The following COPZ2 variants were observed in gnomAD, a reference collection of about 807,000 sequenced individuals.
COPZ2 encodes the protein coatomer subunit zeta-2.
In COPZ2, 30 loss-of-function variants were observed where a neutral mutation model predicts 33.2. The ratio of observed to expected loss-of-function variants is 0.90; its 90% CI spans 0.68 to 1.23. The LOEUF is 1.23. Ranked by LOEUF, COPZ2 falls within the 50% of genes most tolerant of loss-of-function variation. The pLI, the probability that COPZ2 is intolerant of heterozygous loss-of-function variation, is 0.00. For missense variants in COPZ2, 263 were observed against 262.4 expected, an observed-to-expected ratio of 1.00 and a Z score of -0.02; for synonymous variants, 89 against 102.6, an observed-to-expected ratio of 0.87 and a Z score of 0.80.
chr17:48,047,534 T>TA, the COPZ2 span: 1 of 152,148 alleles, frequency 6.6e-6, no homozygotes, highest in African/African-American at 2.4e-5. Flanking sequence ...GAAACATCCC[T>TA]AAAAAAGCAA....
intron 6 of COPZ2, 69 bp downstream of exon 6, chr17:48,032,087 G>T (rs746816640): frequency 3.4e-5 from 43 of 1,281,582 alleles, no homozygotes; most frequent in Non-Finnish European, 1.1e-5. Context: ...GCCATGCTGG[G>T]TGCCATCTGG....
chr17:48,030,323 CACACACAA>C (rs1466450807), intron 6 of COPZ2, among the ~76,000 whole-genome samples: 398 of 151,690 alleles, frequency 2.6e-3, no homozygotes, highest in Non-Finnish European at 4.8e-3. Flanking sequence ...CACACACACA[CACACACAA>C]AGAAACAAAC....
chr17:48,032,786 T>G, intron 4 of COPZ2, 45 bp from the exon 5 acceptor site: 4 of 1,516,310 alleles, frequency 2.6e-6, no homozygotes, highest in South Asian at 1.2e-5. Context: ...AGTTTGAGAT[T>G]GAGAAGGTCA....
intron 6 of COPZ2, 178 bp downstream of exon 6, chr17:48,031,978 T>A (rs969731539): frequency 3.2e-6 from 2 of 618,910 alleles, no homozygotes; most frequent in Non-Finnish European, 5.8e-6. Context: ...AATCAACTTC[T>A]ATCTTCATGA....
rs1182283112 is a variant in COPZ2 at position 48,028,540 on chromosome 17, T to C, written c.547-30A>G. 6.2e-7 allele frequency: 1 copy of C among 1,600,264 alleles called. No individual in the cohort carries two copies. Among genetic ancestry groups the C allele is most frequent in the South Asian group, 1.1e-5 (1 of 88,544 alleles). On this transcript the variant is annotated intron_variant, in intron 7 of 8. Transcript: ENST00000621465. This position sits in a 1 kb window ranked among gnomAD's most constrained non-coding sequence, Gnocchi z 4.5. Reference sequence around the variant, plus strand: ...AAGGAAGCAGAGTCAAGGGGTGGGGTAGGGCCAGCATGAGGGTCCTGGGTC... The same window carrying C: ...AAGGAAGCAGAGTCAAGGGGTGGGGCAGGGCCAGCATGAGGGTCCTGGGTC...
rs374628919 is a variant in COPZ2 at position 48,029,107 on chromosome 17, G to T, written c.546+18C>A. 6.4e-7 allele frequency: 1 copy of T among 1,568,994 alleles called. No individual in the cohort carries two copies. Among genetic ancestry groups the T allele is most frequent in the South Asian group, 1.2e-5 (1 of 84,928 alleles). ...GGAAGGGCAGCCTAAAAGAGGAGGT[G>T]TCCAGGAAGACTCTTACCCTAAAAT... On this transcript the variant is annotated intron_variant, in intron 7 of 8. Transcript: ENST00000621465.
intron 6 of COPZ2, 104 bp downstream of exon 6, chr17:48,032,052 G>C: frequency 1.2e-6 from 1 of 844,808 alleles, no homozygotes; most frequent in Non-Finnish European, 2.0e-6. Context: ...TGGGGGAAGG[G>C]AGTGAGAAGT....
At chr17:48,036,581 A>G (rs565089642) in intron 2 of COPZ2, among the ~76,000 whole-genome samples, 1 of 152,340 alleles carries the variant, frequency 6.6e-6, no homozygotes, top group South Asian at 2.1e-4. Context: ...TCAACACTCC[A>G]CTGACCCATT....
In COPZ2 at chr17:48,033,962, A is replaced by G. The variant is rs764566390; in HGVS notation, c.187-18T>C. ...TCATAATACTATGAGAAAGGGAAGG[A>G]GAAAGGACCATAGCTTTCCACACAG... On this transcript the variant is annotated intron_variant, in intron 2 of 8. Transcript: ENST00000621465. 3.2e-6 allele frequency: 5 copies of G among 1,556,538 alleles called. No homozygotes were observed. In the Admixed American group the frequency reaches 6.9e-5, roughly 22 times the overall value.
rs1224168739 is a variant in COPZ2 at position 48,037,470 on chromosome 17, C to T, written c.111+197G>A. Among the ~76,000 whole-genome samples, 2 of 152,238 alleles carry T rather than the reference C, an allele frequency of 1.3e-5. No homozygotes were observed. Among genetic ancestry groups the T allele is most frequent in the African/African-American group, 4.8e-5 (2 of 41,472 alleles). On this transcript the variant is annotated intron_variant, in intron 1 of 8. Transcript: ENST00000621465. This position sits in a 1 kb window ranked among gnomAD's most constrained non-coding sequence, Gnocchi z 5.6. ...CGGACCCAGAACTTCAGCCCCGCGCCGACGGACTCAGGACAGGCCTCCTCT... is the reference window on the plus strand; with the variant it reads ...CGGACCCAGAACTTCAGCCCCGCGCTGACGGACTCAGGACAGGCCTCCTCT...
rs760443490 is a variant in COPZ2 at position 48,036,871 on chromosome 17, C to T, written c.166G>A (p.Gly56Arg). The change falls in exon 2 of 9, where the codon GGG becomes AGG. Residue 56 changes from glycine (G) to arginine (R), a missense_variant. Physicochemically the swap from Gly to Arg is moderately radical, Grantham distance 125 (BLOSUM62 -2). Coordinates refer to ENST00000621465, the MANE Select transcript of COPZ2 (RefSeq NM_016429.4). Reference protein sequence around the residue: ...IKAVFILDNDGRRLLAKYYDD... With the variant: ...IKAVFILDNDRRRLLAKYYDD... ...GTTACCTTGGCCAGCAGCCGGCGCC[C>T]GTCATTATCTAGGATGAAAACAGCC... The T allele has an allele frequency of 1.2e-6, 2 of 1,613,772 alleles. No individual in the cohort carries two copies. Among genetic ancestry groups the T allele is most frequent in the East Asian group, 2.2e-5 (1 of 44,888 alleles).
At chr17:48,038,542 A>G (rs2144319642), upstream of COPZ2, among the ~76,000 whole-genome samples, 1 of 152,294 alleles carries the variant, frequency 6.6e-6, no homozygotes, top group East Asian at 1.9e-4. Flanking sequence ...TACCGGTAAA[A>G]ACACTGTGCG....
At chr17:48,038,033 A>C, upstream of COPZ2, 1 of 232,868 alleles carries the variant, frequency 4.3e-6, no homozygotes, top group Non-Finnish European at 6.9e-6. Context: ...AGGGTGCCCC[A>C]AGACCAGCCC....
At chr17:48,030,688 G>A (rs1412097027) in intron 6 of COPZ2, among the ~76,000 whole-genome samples, 3 of 152,200 alleles carry the variant, frequency 2.0e-5, no homozygotes, top group Admixed American at 1.3e-4. Flanking sequence ...CAGTTTAGGC[G>A]TTGCCTCCCG....
chr17:48,033,267 A>T lies in COPZ2; in HGVS notation c.304T>A (p.Tyr102Asn), dbSNP rs1267824764. 6.2e-7 allele frequency: 1 copy of T among 1,613,356 alleles called. No individual in the cohort carries two copies. Among genetic ancestry groups the T allele is most frequent in the East Asian group, 2.2e-5 (1 of 44,872 alleles). Residue 102 changes from tyrosine (Y) to asparagine (N), a missense_variant, in exon 4 of 9, where the codon TAC becomes AAC. Coordinates refer to ENST00000621465, the MANE Select transcript of COPZ2 (RefSeq NM_016429.4). ...IAFFGGMTIV[Y>N]KNSIDLFLYV... is the part of the protein sequence containing the mutation. Reference sequence around the variant, plus strand: ...AGGAAGAGGTCAATGCTGTTCTTGTAGACGATGGTCATACCCCCAAAAAAT... The same window carrying T: ...AGGAAGAGGTCAATGCTGTTCTTGTTGACGATGGTCATACCCCCAAAAAAT...
chr17:48,032,871 G>T, intron 4 of COPZ2, 130 bp from the exon 5 acceptor site: 1 of 719,566 alleles, frequency 1.4e-6, no homozygotes, highest in Non-Finnish European at 2.4e-6. Flanking sequence ...ACTGACTGCG[G>T]TGTGACATTA....
chr17:48,031,912 C>A (rs1350457554), intron 6 of COPZ2: 4 of 566,364 alleles, frequency 7.1e-6, no homozygotes, highest in Non-Finnish European at 1.3e-5. Context: ...TCAACAGTCT[C>A]CCATAGTTTG....
chr17:48,047,724 G>C, the COPZ2 span: 7 of 152,184 alleles, frequency 4.6e-5, no homozygotes, highest in Non-Finnish European at 8.8e-5. Context: ...CCTTGCCTGG[G>C]CCATGAGGCG....
upstream of COPZ2, among the ~76,000 whole-genome samples, chr17:48,040,433 ATTTTT>A (rs758072776): frequency 8.0e-6 from 1 of 125,608 alleles, no homozygotes; most frequent in Non-Finnish European, 1.7e-5. Flanking sequence ...TTGGTGACAG[ATTTTT>A]TTTTTTTTTT....
Sources: allele counts gnomAD v4.1 joint callset (sites outside exome capture counted in the v4.1 genomes callset), GRCh38; gene constraint gnomAD v4.1.1; non-coding constraint Gnocchi (gnomAD v3.1); transcripts MANE v1.5; gene names NCBI Gene and HGNC (gene_info 2026-07-23, HGNC 2026-07-21).